RGS3: variants seen among roughly 807,000 people sequenced by gnomAD.
RGS3 encodes regulator of G-protein signalling 3.
In RGS3, 80 loss-of-function variants were observed where a neutral mutation model predicts 132.6. The ratio of observed to expected loss-of-function variants is 0.60; its 90% confidence interval spans 0.50 to 0.73. The LOEUF (loss-of-function observed/expected upper bound fraction) is 0.73. RGS3 is among the 30% of genes least tolerant of loss of function. The pLI is 0.00. For missense variants in RGS3, 1,382 were observed against 1,530.8 expected (o/e 0.90, Z 1.62); for synonymous variants, 598 against 620.6 (o/e 0.96, Z 0.54).
At chr9:113,505,832 A>G (rs1831105768) in intron 11 of RGS3, among the ~76,000 whole-genome samples, 1 of 152,144 alleles carries the variant, frequency 6.6e-6, no homozygotes, top group Non-Finnish European at 1.5e-5. Context: ...TCATTTGTGA[A>G]CTCTATTTGA....
At chr9:113,502,315 G>A (rs1830936531) in intron 10 of RGS3, among the ~76,000 whole-genome samples, 1 of 152,192 alleles carries the variant, frequency 6.6e-6, no homozygotes, top group African/African-American at 2.4e-5. Flanking sequence ...TATCTAATCT[G>A]GAAGGGAGTT....
chr9:113,594,054 G>C, intron 21 of RGS3: 1 of 1,612,458 alleles, frequency 6.2e-7, no homozygotes, highest in African/African-American at 1.3e-5. Flanking sequence ...TTTTTTTTCC[G>C]CTCCCCCTCC....
intron 18 of RGS3, among the ~76,000 whole-genome samples, chr9:113,533,340 C>T (rs1434921152): frequency 2.6e-5 from 4 of 151,920 alleles, no homozygotes; most frequent in Non-Finnish European, 5.9e-5. Flanking sequence ...AAGCGATTCT[C>T]CTGCCCCAGC....
In RGS3 at chr9:113,565,295, G is replaced by A. The variant is rs1350835006; in HGVS notation, c.2038-18155G>A. The A allele has an allele frequency of 1.6e-6, 2 of 1,289,682 alleles. No individual in the cohort carries two copies. Among genetic ancestry groups the A allele is most frequent in the Non-Finnish European group, 1.0e-6 (1 of 988,800 alleles). 79.9% of individuals were successfully genotyped at this position (1,289,682 alleles called of 1,614,324 possible). On this transcript the variant is annotated intron_variant, in intron 19 of 24. Transcript: ENST00000350696. This position sits in a 1 kb window ranked among gnomAD's most constrained non-coding sequence, Gnocchi z 5.7. Reference sequence around the variant, plus strand: ...TGAAAGTGCTTTGAGAAACCACAGAGTTTTCTGTTTAATGGAAGAAAGAAA... The same window carrying A: ...TGAAAGTGCTTTGAGAAACCACAGAATTTTCTGTTTAATGGAAGAAAGAAA...
chr9:113,521,883 C>G (rs192694066), intron 16 of RGS3, among the ~76,000 whole-genome samples: 60 of 152,346 alleles, frequency 3.9e-4, no homozygotes, highest in Middle Eastern at 3.4e-3. Context: ...CCAAGCCCTT[C>G]TGGCTGGTTC....
rs1831115749 is a variant in RGS3 at position 113,506,055 on chromosome 9, GA to G, written c.980-332del. Among the ~76,000 whole-genome samples, 1 of 152,134 alleles carries G rather than the reference GA, an allele frequency of 6.6e-6. No individual in the cohort carries two copies. The highest frequency in any genetic ancestry group is 1.5e-5 in the Non-Finnish European group (1 of 68,026). On this transcript the variant is annotated intron_variant, in intron 11 of 24. Coordinates refer to ENST00000350696, the Ensembl canonical transcript of RGS3. This position sits in a 1 kb window ranked among gnomAD's most constrained non-coding sequence, Gnocchi z 4.7. ...CAGAGAAGGAATAAATGTAGTGTGG[GA>G]GCCTGGCCCCAGGGAAGGTTCTCAA...
exon 3 of RGS3, chr9:113,462,118 A>G: frequency 6.2e-7 from 1 of 1,614,122 alleles, no homozygotes; most frequent in Non-Finnish European, 8.5e-7. Flanking sequence ...CTAAGCCCTG[A>G]TATCGCTCTG....
At position 113,582,231 on chromosome 9, in the gene RGS3, G is replaced by C. The variant is rs911779612; in HGVS notation, c.2038-1219G>C. 12 of 984,482 alleles carry C rather than the reference G, an allele frequency of 1.2e-5. No homozygotes were observed. The African/African-American group carries it at 2.1e-4, about 17-fold the overall frequency. The allele number at this position is 984,482 out of a possible 1,614,324, so 61.0% of individuals were successfully genotyped here. On this transcript the variant is annotated intron_variant, in intron 19 of 24. Coordinates refer to ENST00000350696, the Ensembl canonical transcript of RGS3. ...ATGGCTTTTGGCTGTCAGGGCAGCT[G>C]TACAATAGTGGGTAAGTCACCGGCC...
intron 15 of RGS3, among the ~76,000 whole-genome samples, chr9:113,515,083 T>G (rs942937989): frequency 9.2e-5 from 14 of 152,180 alleles, no homozygotes; most frequent in African/African-American, 2.4e-4. Flanking sequence ...GCAAACAAGT[T>G]TGGCCTGTAT....
At chr9:113,468,943 C>T (rs191028481) in intron 3 of RGS3, among the ~76,000 whole-genome samples, 12 of 151,526 alleles carry the variant, frequency 7.9e-5, no homozygotes, top group Admixed American at 5.3e-4. Flanking sequence ...AATGTAGGCT[C>T]GAGAGGACTG....
intron 17 of RGS3, among the ~76,000 whole-genome samples, chr9:113,526,330 C>T (rs190489386): frequency 1.3e-5 from 2 of 152,306 alleles, no homozygotes; most frequent in East Asian, 1.9e-4. Flanking sequence ...TCCTCAGAAC[C>T]CACATCAGTG....
chr9:113,475,945 C>G (rs1829979812), intron 3 of RGS3, among the ~76,000 whole-genome samples: 1 of 151,190 alleles, frequency 6.6e-6, no homozygotes, highest in Non-Finnish European at 1.5e-5. Flanking sequence ...CTTTTTTTTC[C>G]TTTGAGACAG....
At chr9:113,553,459 A>AATATATAT (rs1217293385) in intron 19 of RGS3, among the ~76,000 whole-genome samples, 23 of 58,666 alleles carry the variant, frequency 3.9e-4, no homozygotes, top group Admixed American at 5.5e-4. Flanking sequence ...AAAAAAAAAA[A>AATATATAT]ATATATATAT....
At chr9:113,491,591 G>C (rs114507418) in intron 7 of RGS3, among the ~76,000 whole-genome samples, 3 of 151,098 alleles carry the variant, frequency 2.0e-5, no homozygotes, top group Non-Finnish European at 4.4e-5. Context: ...GTCTCTCTCT[G>C]TTACCCAGGC....
chr9:113,457,777 A>G (rs1265693587), upstream of RGS3, among the ~76,000 whole-genome samples: 1 of 151,748 alleles, frequency 6.6e-6, no homozygotes, highest in Non-Finnish European at 1.5e-5. Context: ...GGTGGGCCAG[A>G]TTTTTTTTTC....
chr9:113,496,840 C>T (rs898008453), intron 8 of RGS3, among the ~76,000 whole-genome samples: 4 of 152,090 alleles, frequency 2.6e-5, no homozygotes, highest in South Asian at 2.1e-4. Flanking sequence ...TGTGAGCCAC[C>T]GCGCCCGGTC....
In RGS3 at chr9:113,565,601, TGACACGGCCGCCAG is replaced by T. The variant is rs1833962226; in HGVS notation, c.2038-17846_2038-17833del. On this transcript the variant is annotated intron_variant, in intron 19 of 24. Coordinates refer to ENST00000350696, the Ensembl canonical transcript of RGS3. The surrounding 1 kb of genome is among the most constrained non-coding windows in gnomAD (Gnocchi z 5.7). ...GCTCTGTCTGGGGAAGGCAGCCGCT[TGACACGGCCGCCAG>T]GAGCTGCCACAGCCACGGCCGCCCG... 4.1e-6 allele frequency: 1 copy of T among 245,662 alleles called. No individual in the cohort carries two copies. Among genetic ancestry groups the T allele is most frequent in the Admixed American group, 5.2e-5 (1 of 19,160 alleles). 15.2% of individuals were successfully genotyped at this position (245,662 alleles called of 1,614,324 possible).
chr9:113,472,037 A>ATAG (rs1829851957), intron 3 of RGS3, among the ~76,000 whole-genome samples: 1 of 152,208 alleles, frequency 6.6e-6, no homozygotes, highest in South Asian at 2.1e-4. Flanking sequence ...CAATGTCATT[A>ATAG]GTTATCAGGG....
chr9:113,523,731 G>A (rs1459403245), intron 17 of RGS3, among the ~76,000 whole-genome samples: 1 of 152,162 alleles, frequency 6.6e-6, no homozygotes, highest in African/African-American at 2.4e-5. Context: ...GCTGAGAGGG[G>A]CTCGGTTTCC....
Sources: allele counts gnomAD v4.1 joint callset (sites outside exome capture counted in the v4.1 genomes callset), GRCh38; gene constraint gnomAD v4.1.1; non-coding constraint Gnocchi (gnomAD v3.1); transcripts MANE v1.5; gene names NCBI Gene and HGNC (gene_info 2026-07-23, HGNC 2026-07-21).